Variants in SUN5 observed in about 807,000 individuals in gnomAD.
SUN5 encodes SUN domain-containing protein 5.
SUN5 carries 44 observed loss-of-function variants against 53.7 expected under a neutral mutation model. The observed-to-expected ratio is 0.82, with a 90% confidence interval of 0.64 to 1.05. The LOEUF (loss-of-function observed/expected upper bound fraction) is 1.05, where lower values mean the gene tolerates loss of function less well. Ranked by LOEUF, SUN5 falls within the 50% of genes least tolerant of loss-of-function variation. SUN5 has a pLI of 0.00. For synonymous variants in SUN5, 166 were observed against 179.8 expected, an observed-to-expected ratio of 0.92 and a Z score of 0.62; for missense variants, 433 against 483.8, an observed-to-expected ratio of 0.90 and a Z score of 0.98.
At chr20:32,998,346 C>T (rs891867652) in intron 5 of SUN5, among the ~76,000 whole-genome samples, 1 of 151,836 alleles carries the variant, frequency 6.6e-6, no homozygotes, top group Non-Finnish European at 1.5e-5. Context: ...GAGACCCTGT[C>T]TAAAAAACAA....
chr20:33,002,374 C>T (rs1208237167), intron 3 of SUN5, among the ~76,000 whole-genome samples: 1 of 152,112 alleles, frequency 6.6e-6, no homozygotes, highest in Non-Finnish European at 1.5e-5. Flanking sequence ...CTCCAGACAG[C>T]AAGCCTCCCT....
intron 2 of SUN5, 45 bp downstream of exon 2, chr20:33,002,816 C>T: frequency 1.2e-6 from 2 of 1,612,278 alleles, no homozygotes; most frequent in Non-Finnish European, 1.7e-6. Context: ...GAGCCTCAGC[C>T]CCTCAGCTGC....
At position 33,004,318 on chromosome 20, in the gene SUN5, G is replaced by A; in HGVS notation, c.23C>T (p.Pro8Leu). The change falls in exon 1 of 13, where the codon CCT becomes CTT. Residue 8 changes from proline (P) to leucine (L), a missense_variant. Pro to Leu is a moderately conservative substitution (Grantham distance 98). Transcript: ENST00000356173. ...TTCGAGTAGGGCGCCTGGGTCCCCAGGGCTCCTTGAGGACCGTGGCATCGA... is the reference window on the plus strand; with the variant it reads ...TTCGAGTAGGGCGCCTGGGTCCCCAAGGCTCCTTGAGGACCGTGGCATCGA... MPRSSRS[P>L]GDPGALLEDV... The A allele has an allele frequency of 6.4e-7, 1 of 1,573,322 alleles. No homozygotes were observed. Among genetic ancestry groups the A allele is most frequent in the South Asian group, 1.2e-5 (1 of 84,608 alleles).
At chr20:32,993,980 G>A (rs1238807135) in intron 8 of SUN5, among the ~76,000 whole-genome samples, 1 of 152,198 alleles carries the variant, frequency 6.6e-6, no homozygotes. Flanking sequence ...TTAGAACCCA[G>A]GAATCCAAGT....
chr20:33,003,342 A>G (rs560007779), intron 1 of SUN5, among the ~76,000 whole-genome samples: 1 of 151,906 alleles, frequency 6.6e-6, no homozygotes, highest in Non-Finnish European at 1.5e-5. Flanking sequence ...GACTTGGGGG[A>G]AAAGTTAGGT....
At chr20:32,993,352 C>T (rs985231850) in intron 8 of SUN5, among the ~76,000 whole-genome samples, 3 of 152,112 alleles carry the variant, frequency 2.0e-5, no homozygotes, top group Non-Finnish European at 4.4e-5. Flanking sequence ...ATTTTTTGTC[C>T]GTTTGTTTTA....
At chr20:32,985,663 C>T in intron 11 of SUN5, 73 bp downstream of exon 11, 9 of 1,554,552 alleles carry the variant, frequency 5.8e-6, no homozygotes, top group East Asian at 2.3e-5. Context: ...CACTGTTTAC[C>T]CCAGGCCTGG....
chr20:32,998,569 A>T (rs1989914249), intron 5 of SUN5, among the ~76,000 whole-genome samples: 1 of 152,214 alleles, frequency 6.6e-6, no homozygotes, highest in Non-Finnish European at 1.5e-5. Context: ...CCTCACCATG[A>T]TAAAGACCAT....
intron 8 of SUN5, among the ~76,000 whole-genome samples, chr20:32,989,901 C>T (rs17123932): frequency 0.035 from 5,349 of 152,218 alleles, 311 homozygotes; most frequent in African/African-American, 0.12. Flanking sequence ...TGGGTGCTTT[C>T]AAGTCCACTG....
At chr20:32,985,942 G>A (rs1989527559) in intron 10 of SUN5, 39 bp from the exon 11 acceptor site, 1 of 1,592,518 alleles carries the variant, frequency 6.3e-7, no homozygotes, top group African/African-American at 1.3e-5. Context: ...TGCTGGGTGG[G>A]TAGGGGGATC....
chr20:32,985,282 G>A (rs1358719196), intron 11 of SUN5, 97 bp from the exon 12 acceptor site: 3 of 1,088,200 alleles, frequency 2.8e-6, no homozygotes, highest in Non-Finnish European at 4.1e-6. Context: ...TCCCCAGGAT[G>A]GGAGCTCACT....
intron 3 of SUN5, among the ~76,000 whole-genome samples, chr20:33,001,619 TTTTTC>T (rs1474258560): frequency 1.0e-4 from 15 of 149,178 alleles, no homozygotes; most frequent in Non-Finnish European, 7.4e-5. Context: ...TCTTTCTTTC[TTTTTC>T]TTTTCTTTCT....
chr20:32,989,097 T>C (rs1285591134), intron 9 of SUN5, among the ~76,000 whole-genome samples: 1 of 151,980 alleles, frequency 6.6e-6, no homozygotes, highest in East Asian at 1.9e-4. Context: ...AGCTAATTTT[T>C]TGTATTTTTA....
At chr20:33,001,065 G>A in intron 4 of SUN5, 147 bp downstream of exon 4, 1 of 829,088 alleles carries the variant, frequency 1.2e-6, no homozygotes, top group Non-Finnish European at 1.9e-6. Context: ...TGGGTTCTGG[G>A]GTGGGAGTGT....
intron 9 of SUN5, among the ~76,000 whole-genome samples, chr20:32,988,078 T>C (rs1472860562): frequency 6.6e-6 from 1 of 151,896 alleles, no homozygotes; most frequent in Admixed American, 6.6e-5. Flanking sequence ...ATGGTGGCTA[T>C]TATTAGCAGA....
At chr20:32,989,582 C>T in intron 9 of SUN5, 38 bp downstream of exon 9, 1 of 1,593,020 alleles carries the variant, frequency 6.3e-7, no homozygotes, top group Non-Finnish European at 8.6e-7. Flanking sequence ...TCCCAGGACA[C>T]TTGAGGCAGT....
intron 4 of SUN5, among the ~76,000 whole-genome samples, chr20:33,000,543 C>A (rs1989973686): frequency 6.6e-6 from 1 of 152,162 alleles, no homozygotes; most frequent in Non-Finnish European, 1.5e-5. Flanking sequence ...GGGGCAGGCC[C>A]TCCAGGCAGG....
At position 33,003,025 on chromosome 20, in the gene SUN5, G is replaced by A. The variant is rs942192608; in HGVS notation, c.78-106C>T. ...ATTGGGAAACTGAGGTACAGAGAAG[G>A]TTTCCCAACACCACCAGCCTGTGAT... is the stretch of plus-strand genomic sequence containing the variant. On this transcript the variant is annotated intron_variant, in intron 1 of 12. Transcript: ENST00000356173. The A allele has an allele frequency of 1.4e-5, 18 of 1,289,486 alleles. No individual in the cohort carries two copies. The East Asian group carries it at 4.2e-4, about 30-fold the overall frequency. The allele number at this position is 1,289,486 out of a possible 1,614,324, so 79.9% of individuals were successfully genotyped here.
chr20:32,988,337 G>A (rs968916416), intron 9 of SUN5, among the ~76,000 whole-genome samples: 5 of 152,198 alleles, frequency 3.3e-5, no homozygotes, highest in Non-Finnish European at 5.9e-5. Context: ...GGGGGTGCCC[G>A]AGTTGGAGGT....
Sources: gnomAD v4.1 joint callset for allele counts (sites outside exome capture counted in the v4.1 genomes callset) on GRCh38, gnomAD v4.1.1 for gene constraint, MANE v1.5 for transcripts, NCBI Gene and HGNC (gene_info 2026-07-23, HGNC 2026-07-21) for gene names.